Variants in FARS2 observed in about 807,000 individuals in gnomAD.
FARS2 encodes the protein phenylalanyl-tRNA synthetase 2, mitochondrial, also known as phenylalanine--tRNA ligase, mitochondrial.
FARS2 carries 40 observed loss-of-function variants against 46.4 expected under a neutral mutation model. That is an observed-to-expected ratio of 0.86 (90% CI 0.67 to 1.12). The LOEUF (loss-of-function observed/expected upper bound fraction) is 1.12. Among genes scored for constraint, FARS2 ranks in the 50% most tolerant of loss-of-function variants. FARS2 has a pLI of 0.00. For synonymous variants in FARS2, 234 were observed against 214.9 expected (o/e 1.09, Z -0.78); for missense variants, 513 against 567.9 (o/e 0.90, Z 0.98).
At chr6:5,306,974 ATCTAAGACCCC>A (rs1768751209) in intron 1 of FARS2, among the ~76,000 whole-genome samples, 1 of 152,014 alleles carries the variant, frequency 6.6e-6, no homozygotes, top group Admixed American at 6.5e-5. Flanking sequence ...GAGAAAACTT[ATCTAAGACCCC>A]TCCAACAGAA....
intron 4 of FARS2, among the ~76,000 whole-genome samples, chr6:5,496,742 A>G (rs1243264580): frequency 1.3e-5 from 2 of 152,118 alleles, no homozygotes; most frequent in Non-Finnish European, 2.9e-5. Flanking sequence ...ATTTTAACTA[A>G]TTACCTCTTA....
chr6:5,434,966 G>A lies in FARS2; in HGVS notation c.904+3794G>A, dbSNP rs554147981. Among the ~76,000 whole-genome samples the A allele has an allele frequency of 2.0e-5, 3 of 152,268 alleles. No individual in the cohort carries two copies. In the South Asian group the frequency reaches 6.2e-4, roughly 32 times the overall value. Reference sequence around the variant, plus strand: ...GACATCAGTTGAGCCCTTCCTGTATGCCAGCATCCCATAAAGCATGCTGTA... The same window carrying A: ...GACATCAGTTGAGCCCTTCCTGTATACCAGCATCCCATAAAGCATGCTGTA... On this transcript the variant is annotated intron_variant, in intron 4 of 6. Transcript: ENST00000274680.
At chr6:5,657,500 G>A (rs1346762950) in intron 6 of FARS2, among the ~76,000 whole-genome samples, 1 of 152,176 alleles carries the variant, frequency 6.6e-6, no homozygotes, top group African/African-American at 2.4e-5. Context: ...CACTTATTAT[G>A]AGACCCAGAG....
chr6:5,671,511 G>A (rs903626814), intron 6 of FARS2, among the ~76,000 whole-genome samples: 2 of 152,184 alleles, frequency 1.3e-5, no homozygotes, highest in African/African-American at 4.8e-5. Context: ...GGTCACTGTT[G>A]TATGAATGGA....
intron 2 of FARS2, among the ~76,000 whole-genome samples, chr6:5,390,307 G>T (rs1018374735): frequency 6.6e-5 from 10 of 152,196 alleles, no homozygotes; most frequent in Non-Finnish European, 1.5e-4. Flanking sequence ...GGAACAGTAG[G>T]TATAATTATT....
chr6:5,463,644 C>G (rs1323888495), intron 4 of FARS2, among the ~76,000 whole-genome samples: 1 of 151,916 alleles, frequency 6.6e-6, no homozygotes, highest in African/African-American at 2.4e-5. Context: ...CTGTGGATTT[C>G]ATTTCTTATG....
chr6:5,520,148 C>T (rs1310441866), intron 4 of FARS2, among the ~76,000 whole-genome samples: 1 of 152,122 alleles, frequency 6.6e-6, no homozygotes. Context: ...ACCTGAGGAT[C>T]ATAAGTTTAG....
At chr6:5,330,573 A>G (rs1208054501) in intron 1 of FARS2, among the ~76,000 whole-genome samples, 1 of 152,136 alleles carries the variant, frequency 6.6e-6, no homozygotes, top group Non-Finnish European at 1.5e-5. Flanking sequence ...TCAGCTTTGG[A>G]GGAAATTAAA....
At chr6:5,307,499 A>G (rs1768791585) in intron 1 of FARS2, among the ~76,000 whole-genome samples, 1 of 152,218 alleles carries the variant, frequency 6.6e-6, no homozygotes, top group Non-Finnish European at 1.5e-5. Flanking sequence ...ACGCGTGCAC[A>G]CACACATGCA....
intron 5 of FARS2, among the ~76,000 whole-genome samples, chr6:5,575,775 T>C (rs1421495807): frequency 6.6e-6 from 1 of 152,226 alleles, no homozygotes; most frequent in Non-Finnish European, 1.5e-5. Flanking sequence ...CAGGTCAACA[T>C]AGTAGAATGG....
intron 6 of FARS2, among the ~76,000 whole-genome samples, chr6:5,685,686 G>T (rs1757142666): frequency 6.6e-6 from 1 of 152,118 alleles, no homozygotes; most frequent in Admixed American, 6.5e-5. Context: ...GGCCTAGGGG[G>T]CTGGACGCTG....
chr6:5,735,872 C>G (rs1158762990), intron 6 of FARS2, among the ~76,000 whole-genome samples: 1 of 152,180 alleles, frequency 6.6e-6, no homozygotes, highest in Non-Finnish European at 1.5e-5. Flanking sequence ...TTAAGAGTGT[C>G]CTGACAGCCA....
At chr6:5,353,553 T>C (rs1049961528) in intron 1 of FARS2, among the ~76,000 whole-genome samples, 1 of 152,142 alleles carries the variant, frequency 6.6e-6, no homozygotes. Flanking sequence ...TCTGCATCCT[T>C]GCCAGGATTT....
rs530830695 is a variant in FARS2, at chr6:5,323,304, G to A, written c.-21-45246G>A. 8.2e-4 allele frequency among the ~76,000 whole-genome samples: 125 copies of A among 152,126 alleles called. 1 individual carries two copies. Among genetic ancestry groups the A allele is most frequent in the African/African-American group, 2.7e-3 (112 of 41,512 alleles). ...CCATAATTTATTTATTTTAAAGACCGACTGGGTCATTTAAAGTGAGAGAGC... is the reference window on the plus strand; with the variant it reads ...CCATAATTTATTTATTTTAAAGACCAACTGGGTCATTTAAAGTGAGAGAGC... On this transcript the variant is annotated intron_variant, in intron 1 of 6. Coordinates refer to ENST00000274680, the MANE Select transcript of FARS2 (RefSeq NM_006567.5).
At chr6:5,301,452 A>G (rs1244960347) in intron 1 of FARS2, among the ~76,000 whole-genome samples, 1 of 152,108 alleles carries the variant, frequency 6.6e-6, no homozygotes, top group Non-Finnish European at 1.5e-5. Flanking sequence ...CCCTGTCTCT[A>G]AAAGAACAAA....
At chr6:5,759,394 C>G (rs930421266) in intron 6 of FARS2, among the ~76,000 whole-genome samples, 1 of 152,118 alleles carries the variant, frequency 6.6e-6, no homozygotes, top group South Asian at 2.1e-4. Context: ...TTAACTAATG[C>G]GTGTCTCCTA....
chr6:5,427,502 A>C (rs1762917847), intron 3 of FARS2, among the ~76,000 whole-genome samples: 1 of 152,222 alleles, frequency 6.6e-6, no homozygotes, highest in African/African-American at 2.4e-5. Context: ...GGGGTCATGT[A>C]GATTTTAAAA....
chr6:5,628,711 A>T (rs891565962), intron 6 of FARS2, among the ~76,000 whole-genome samples: 1 of 152,226 alleles, frequency 6.6e-6, no homozygotes, highest in Non-Finnish European at 1.5e-5. Flanking sequence ...AGATGGAGGG[A>T]AAGTGCTGGT....
At chr6:5,543,544 T>G (rs1351280947) in intron 4 of FARS2, among the ~76,000 whole-genome samples, 2 of 152,170 alleles carry the variant, frequency 1.3e-5, no homozygotes, top group Non-Finnish European at 2.9e-5. Context: ...TTTGTACTTT[T>G]GGTAGAGACG....
Sources: allele counts gnomAD v4.1 joint callset (sites outside exome capture counted in the v4.1 genomes callset), GRCh38; gene constraint gnomAD v4.1.1; transcripts MANE v1.5; gene names NCBI Gene and HGNC (gene_info 2026-07-23, HGNC 2026-07-21).